CYYR1: variants seen among roughly 807,000 people sequenced by gnomAD.
CYYR1 encodes cysteine and tyrosine-rich protein 1.
CYYR1 carries 14 observed loss-of-function variants against 15.2 expected under a neutral mutation model. The ratio of observed to expected loss-of-function variants is 0.92; its 90% CI spans 0.61 to 1.44. The LOEUF (loss-of-function observed/expected upper bound fraction) is 1.44, where lower values mean the gene tolerates loss of function less well. CYYR1 is among the 40% of genes most tolerant of loss of function. The pLI, the probability that CYYR1 is intolerant of heterozygous loss-of-function variation, is 0.00. For missense variants in CYYR1, 228 were observed against 209.5 expected, an observed-to-expected ratio of 1.09 and a Z score of -0.54; for synonymous variants, 80 against 77.4, an observed-to-expected ratio of 1.03 and a Z score of -0.18.
intron 2 of CYYR1, among the ~76,000 whole-genome samples, chr21:26,514,181 G>A (rs2065689325): frequency 6.6e-6 from 1 of 152,102 alleles, no homozygotes; most frequent in Non-Finnish European, 1.5e-5. Context: ...ATGTTTAGAT[G>A]TAATCCTAGG....
intron 2 of CYYR1, among the ~76,000 whole-genome samples, chr21:26,507,064 G>A (rs1293148918): frequency 6.6e-6 from 1 of 152,126 alleles, no homozygotes; most frequent in African/African-American, 2.4e-5. Flanking sequence ...CAGCCCACAG[G>A]TTGCTGTGAT....
At chr21:26,564,018 A>G (rs992748648) in intron 2 of CYYR1, among the ~76,000 whole-genome samples, 2 of 152,226 alleles carry the variant, frequency 1.3e-5, no homozygotes. Flanking sequence ...CTGTTACAAC[A>G]GTTAAAATGA....
In CYYR1 at chr21:26,467,310, G is replaced by A. The variant is rs912175922; in HGVS notation, c.*1191C>T. On this transcript the variant is annotated 3_prime_UTR_variant, in exon 4 of 4. Transcript: ENST00000652641. ...TATTAAATGCTTTATACATATAAAG[G>A]TAGGCACTTCATAAAATTTGCATTT... 1 of 152,038 alleles carries A rather than the reference G, an allele frequency of 6.6e-6. No individual in the cohort carries two copies. Among genetic ancestry groups the A allele is most frequent in the Non-Finnish European group, 1.5e-5 (1 of 67,994 alleles). 9.4% of individuals were successfully genotyped at this position (152,038 alleles called of 1,614,324 possible).
At chr21:26,571,545 T>G (rs879626651) in intron 1 of CYYR1, among the ~76,000 whole-genome samples, 1 of 152,208 alleles carries the variant, frequency 6.6e-6, no homozygotes, top group Non-Finnish European at 1.5e-5. Flanking sequence ...AACAAAATTG[T>G]GGTTCAATGG....
At position 26,505,190 on chromosome 21, in the gene CYYR1, A is replaced by G. The variant is rs149565220; in HGVS notation, c.177-24761T>C. ...ATGGCCCCTCTTTGCTAAACTTCAT[A>G]GTTTTGATGCTGTTAATTACACTTT... is the stretch of plus-strand genomic sequence containing the variant. On this transcript the variant is annotated intron_variant, in intron 2 of 3. Transcript: ENST00000652641. Among the ~76,000 whole-genome samples, 271 of 152,330 alleles carry G rather than the reference A, an allele frequency of 1.8e-3. 1 individual carries two copies. Among genetic ancestry groups the G allele is most frequent in the African/African-American group, 5.9e-3 (247 of 41,588 alleles).
intron 2 of CYYR1, among the ~76,000 whole-genome samples, chr21:26,518,842 G>C (rs2065767845): frequency 6.6e-6 from 1 of 152,168 alleles, no homozygotes; most frequent in African/African-American, 2.4e-5. Context: ...CTCAGGATCA[G>C]GGTATCACAA....
intron 1 of CYYR1, among the ~76,000 whole-genome samples, chr21:26,569,470 AAACT>A (rs1198084208): frequency 6.6e-6 from 1 of 152,162 alleles, no homozygotes; most frequent in Non-Finnish European, 1.5e-5. Context: ...GAGGGTTGAA[AAACT>A]AACTATTGGG....
At chr21:26,480,626 T>C (rs530202632) in intron 2 of CYYR1, among the ~76,000 whole-genome samples, 197 bp from the exon 3 acceptor site, 38 of 152,084 alleles carry the variant, frequency 2.5e-4, no homozygotes, top group African/African-American at 8.7e-4. Flanking sequence ...TGTATTTCAA[T>C]AGATATGAAA....
At chr21:26,481,700 G>A (rs1246221751) in intron 2 of CYYR1, among the ~76,000 whole-genome samples, 1 of 151,912 alleles carries the variant, frequency 6.6e-6, no homozygotes, top group Non-Finnish European at 1.5e-5. Flanking sequence ...TTGCATGCAT[G>A]TGTCTTTATG....
intron 3 of CYYR1, among the ~76,000 whole-genome samples, chr21:26,471,863 A>G (rs1400874690): frequency 6.6e-6 from 1 of 152,186 alleles, no homozygotes; most frequent in Admixed American, 6.5e-5. Flanking sequence ...TAGGGTAAAT[A>G]GGCCATTTAT....
intron 2 of CYYR1, among the ~76,000 whole-genome samples, chr21:26,544,106 TGAA>T (rs1013772973): frequency 2.0e-5 from 3 of 152,006 alleles, no homozygotes; most frequent in African/African-American, 7.2e-5. Flanking sequence ...ACAGATACAG[TGAA>T]GAAGAATTTT....
rs565450526 is a variant in CYYR1, at chr21:26,524,111, G to A, written c.176+42155C>T. On this transcript the variant is annotated intron_variant, in intron 2 of 3. Coordinates refer to ENST00000652641, the MANE Select transcript of CYYR1 (RefSeq NM_001320768.2). ...TGTATATATTTCATTTGTAGGTTAA[G>A]GGTGGCCTATACTTGCTACATTTAA... is the stretch of plus-strand genomic sequence containing the variant. Among the ~76,000 whole-genome samples the A allele has an allele frequency of 1.1e-4, 17 of 152,278 alleles. No individual in the cohort carries two copies. In the South Asian group the frequency reaches 2.1e-3, roughly 19 times the overall value.
chr21:26,476,033 A>G (rs1345339715), intron 3 of CYYR1, among the ~76,000 whole-genome samples: 1 of 152,152 alleles, frequency 6.6e-6, no homozygotes, highest in African/African-American at 2.4e-5. Flanking sequence ...ATCTCTAAAA[A>G]GGTTTGATGA....
chr21:26,508,741 G>C (rs1347088555), intron 2 of CYYR1, among the ~76,000 whole-genome samples: 1 of 152,098 alleles, frequency 6.6e-6, no homozygotes, highest in African/African-American at 2.4e-5. Flanking sequence ...TATTTTTGAT[G>C]ATTTACTATG....
intron 2 of CYYR1, among the ~76,000 whole-genome samples, chr21:26,489,679 C>T (rs1438325155): frequency 6.6e-6 from 1 of 152,036 alleles, no homozygotes; most frequent in Non-Finnish European, 1.5e-5. Flanking sequence ...ACACAACATA[C>T]TATATGTCAA....
intron 2 of CYYR1, among the ~76,000 whole-genome samples, chr21:26,521,198 A>T (rs1368237718): frequency 6.6e-6 from 1 of 152,234 alleles, no homozygotes; most frequent in Non-Finnish European, 1.5e-5. Context: ...AACTTAAAAT[A>T]AAATAAAATT....
chr21:26,566,220 G>T, intron 2 of CYYR1, 46 bp downstream of exon 2: 1 of 1,377,166 alleles, frequency 7.3e-7, no homozygotes, highest in Non-Finnish European at 1.0e-6. Context: ...TGGACAACTG[G>T]ACAAGAGGAA....
At chr21:26,469,534 G>A (rs2065008637) in intron 3 of CYYR1, among the ~76,000 whole-genome samples, 2 of 151,994 alleles carry the variant, frequency 1.3e-5, no homozygotes, top group South Asian at 2.1e-4. Flanking sequence ...TATTCATGGG[G>A]TACAGAGTGA....
At chr21:26,475,227 T>C (rs1180952972) in intron 3 of CYYR1, among the ~76,000 whole-genome samples, 2 of 152,138 alleles carry the variant, frequency 1.3e-5, no homozygotes, top group Non-Finnish European at 2.9e-5. Flanking sequence ...TAACCTCAAA[T>C]ACCTCCTCAG....
Sources: allele counts gnomAD v4.1 joint callset (sites outside exome capture counted in the v4.1 genomes callset), GRCh38; gene constraint gnomAD v4.1.1; transcripts MANE v1.5; gene names NCBI Gene and HGNC (gene_info 2026-07-23, HGNC 2026-07-21).